LRP1B: variants seen among roughly 807,000 people sequenced by gnomAD.
LRP1B encodes low-density lipoprotein receptor-related protein 1B.
LRP1B carries 217 observed loss-of-function variants against 556.6 expected under a neutral mutation model. The ratio of observed to expected loss-of-function variants is 0.39; its 90% CI spans 0.35 to 0.44. LRP1B has a LOEUF of 0.44. Among genes scored for constraint, LRP1B ranks in the 20% least tolerant of loss-of-function variants. The pLI is 1.00. For missense variants in LRP1B, 5,053 were observed against 5,620.8 expected (o/e 0.90, Z 3.23); for synonymous variants, 2,047 against 1,865.8 (o/e 1.10, Z -2.50).
At chr2:140,662,087 A>G (rs941799755) in intron 41 of LRP1B, among the ~76,000 whole-genome samples, 10 of 152,084 alleles carry the variant, frequency 6.6e-5, no homozygotes, top group African/African-American at 2.2e-4. Flanking sequence ...TATAACTTAG[A>G]GTAGAAAAAA....
At chr2:140,842,316 C>A (rs188173457) in intron 29 of LRP1B, among the ~76,000 whole-genome samples, 1 of 152,270 alleles carries the variant, frequency 6.6e-6, no homozygotes, top group East Asian at 1.9e-4. Flanking sequence ...CCTTAAAGTG[C>A]AGTATTTGAA....
chr2:140,378,890 G>A (rs757153539), intron 67 of LRP1B, among the ~76,000 whole-genome samples: 10 of 152,104 alleles, frequency 6.6e-5, no homozygotes, highest in East Asian at 5.8e-4. Context: ...ATTGTTTATT[G>A]TGCCCTATAT....
chr2:140,720,083 A>T (rs923242627), intron 35 of LRP1B, among the ~76,000 whole-genome samples: 1 of 152,072 alleles, frequency 6.6e-6, no homozygotes, highest in Non-Finnish European at 1.5e-5. Flanking sequence ...AAAGATAGAA[A>T]GAGAAGATTT....
At chr2:140,716,492 T>TA (rs377109595) in intron 36 of LRP1B, among the ~76,000 whole-genome samples, 190 bp downstream of exon 36, 1 of 151,992 alleles carries the variant, frequency 6.6e-6, no homozygotes, top group Non-Finnish European at 1.5e-5. Flanking sequence ...TACTTCTACA[T>TA]AAAAAAACTT....
intron 56 of LRP1B, 86 bp downstream of exon 56, chr2:140,495,479 G>T (rs1484766714): frequency 1.6e-6 from 2 of 1,226,976 alleles, no homozygotes; most frequent in Non-Finnish European, 2.3e-6. Flanking sequence ...GCATCAAGGA[G>T]GAGTGAATTC....
chr2:141,583,002 A>T (rs935638043), intron 2 of LRP1B, among the ~76,000 whole-genome samples: 1 of 151,444 alleles, frequency 6.6e-6, no homozygotes, highest in Non-Finnish European at 1.5e-5. Flanking sequence ...TGCCTGGCTA[A>T]TTTTTTTGTA....
chr2:142,040,293 T>C (rs1008122081), intron 1 of LRP1B, among the ~76,000 whole-genome samples: 1 of 151,462 alleles, frequency 6.6e-6, no homozygotes, highest in Non-Finnish European at 1.5e-5. Flanking sequence ...AATGTCCATG[T>C]TTCCAGTCTT....
At chr2:140,601,725 G>T in intron 41 of LRP1B, 86 bp from the exon 42 acceptor site, 1 of 748,824 alleles carries the variant, frequency 1.3e-6, no homozygotes. Context: ...AGACATACAT[G>T]TATACCTGTT....
intron 83 of LRP1B, among the ~76,000 whole-genome samples, chr2:140,301,628 T>A (rs898682001): frequency 6.6e-6 from 1 of 151,984 alleles, no homozygotes; most frequent in South Asian, 2.1e-4. Flanking sequence ...TATATTACTT[T>A]CTTTATGCTC....
intron 2 of LRP1B, among the ~76,000 whole-genome samples, chr2:141,727,811 CTCTA>C (rs1490490916): frequency 6.6e-6 from 1 of 151,276 alleles, no homozygotes; most frequent in Non-Finnish European, 1.5e-5. Context: ...ATATCAATCT[CTCTA>C]TATATATATA....
intron 49 of LRP1B, among the ~76,000 whole-genome samples, chr2:140,522,153 A>T (rs1690208648): frequency 6.6e-6 from 1 of 152,038 alleles, no homozygotes; most frequent in South Asian, 2.1e-4. Context: ...CTGTACACAA[A>T]ATATACTCTA....
At chr2:140,500,773 G>A (rs1324414526) in intron 55 of LRP1B, among the ~76,000 whole-genome samples, 2 of 151,846 alleles carry the variant, frequency 1.3e-5, no homozygotes, top group East Asian at 1.9e-4. Context: ...ACTCCAATTC[G>A]TCATGGTTTC....
rs973715994 is a variant in LRP1B at position 141,800,189 on chromosome 2, G to T, written c.205+10090C>A. ...CTGGATAGCATATATACATGAGGTT[G>T]TATGGCATCATGGAAAGCAGGTTGA... On this transcript the variant is annotated intron_variant, in intron 2 of 90. Transcript: ENST00000389484. Among the ~76,000 whole-genome samples, 5 of 152,240 alleles carry T rather than the reference G, an allele frequency of 3.3e-5. 1 individual carries two copies. The highest frequency in any genetic ancestry group is 4.1e-4 in the South Asian group (2 of 4,826).
At chr2:141,172,094 A>C (rs561591478) in intron 7 of LRP1B, among the ~76,000 whole-genome samples, 1 of 152,258 alleles carries the variant, frequency 6.6e-6, no homozygotes, top group Admixed American at 6.5e-5. Context: ...TAGCGTGAAA[A>C]GCTGTTCTAG....
At chr2:142,014,847 T>G (rs911935712) in intron 1 of LRP1B, among the ~76,000 whole-genome samples, 1 of 152,148 alleles carries the variant, frequency 6.6e-6, no homozygotes, top group Non-Finnish European at 1.5e-5. Flanking sequence ...CAAAACCTAT[T>G]CTCAGACCTT....
At chr2:141,285,761 T>C (rs1481980335) in intron 3 of LRP1B, among the ~76,000 whole-genome samples, 1 of 139,376 alleles carries the variant, frequency 7.2e-6, no homozygotes, top group Non-Finnish European at 1.6e-5. Context: ...CGGCCAAGAA[T>C]AATAATATTT....
intron 2 of LRP1B, among the ~76,000 whole-genome samples, chr2:141,680,740 A>G (rs1164705217): frequency 6.6e-6 from 1 of 152,158 alleles, no homozygotes; most frequent in African/African-American, 2.4e-5. Flanking sequence ...AAGTTGCAAA[A>G]TTTCTAGGAA....
chr2:141,139,284 C>T (rs1701572356), intron 7 of LRP1B, among the ~76,000 whole-genome samples: 1 of 151,766 alleles, frequency 6.6e-6, no homozygotes, highest in Non-Finnish European at 1.5e-5. Flanking sequence ...AAAACAAAAT[C>T]TTTATAACAT....
At position 140,718,619 on chromosome 2, in the gene LRP1B, G is replaced by GA. The variant is rs879698341; in HGVS notation, c.5759-1804dup. Among the ~76,000 whole-genome samples the GA allele has an allele frequency of 6.7e-3, 998 of 149,810 alleles. 6 individuals carry two copies. The highest frequency in any genetic ancestry group is 0.023 in the African/African-American group (945 of 40,948). On this transcript the variant is annotated intron_variant, in intron 35 of 90. Transcript: ENST00000389484. Reference sequence around the variant, plus strand: ...AGTTAGAATGGAGAAATTCCCAAAGGAAAAAAAAATGTAAATAAGAATTTC... The same window carrying GA: ...AGTTAGAATGGAGAAATTCCCAAAGGAAAAAAAAAATGTAAATAAGAATTTC...
Sources: allele counts gnomAD v4.1 joint callset (sites outside exome capture counted in the v4.1 genomes callset), GRCh38; gene constraint gnomAD v4.1.1; transcripts MANE v1.5; gene names NCBI Gene and HGNC (gene_info 2026-07-23, HGNC 2026-07-21).